Variants in MTAP observed in about 807,000 individuals in gnomAD.
MTAP encodes methylthioadenosine phosphorylase.
MTAP carries 33 observed loss-of-function variants against 33.6 expected under a neutral mutation model. The observed-to-expected ratio is 0.98, with a 90% CI of 0.74 to 1.31. The LOEUF (loss-of-function observed/expected upper bound fraction) is 1.31, where lower values mean the gene tolerates loss of function less well. Ranked by LOEUF, MTAP falls within the 40% of genes most tolerant of loss-of-function variation. The pLI is 0.00. For missense variants in MTAP, 367 were observed against 360.0 expected (o/e 1.02, Z -0.16); for synonymous variants, 148 against 125.7 (o/e 1.18, Z -1.19).
At chr9:21,918,632 A>G (rs1305445319) in intron 1 of MTAP, among the ~76,000 whole-genome samples, 1 of 152,148 alleles carries the variant, frequency 6.6e-6, no homozygotes, top group Non-Finnish European at 1.5e-5. Context: ...AATAATCCCC[A>G]CATGTCATGG....
downstream of MTAP, chr9:21,932,674 T>TC (rs1166947159): frequency 6.6e-6 from 1 of 151,528 alleles, no homozygotes; most frequent in African/African-American, 2.4e-5. Flanking sequence ...GCCCCATTCA[T>TC]CCCCCAAACC....
chr9:21,839,187 T>A (rs1026819476), intron 5 of MTAP, among the ~76,000 whole-genome samples: 70 of 151,948 alleles, frequency 4.6e-4, no homozygotes, highest in African/African-American at 1.7e-3. Flanking sequence ...TTTTTTTTTT[T>A]TAAAAAAGTG....
chr9:21,935,594 T>G (rs1819029933), downstream of MTAP: 1 of 152,158 alleles, frequency 6.6e-6, no homozygotes, highest in Non-Finnish European at 1.5e-5. Flanking sequence ...CATGTCTCTC[T>G]GGGCCTGATA....
chr9:21,809,729 A>C (rs1824297811), intron 1 of MTAP, among the ~76,000 whole-genome samples: 2 of 152,164 alleles, frequency 1.3e-5, no homozygotes, highest in Admixed American at 1.3e-4. Context: ...GCGGAGCTTT[A>C]AAAACAAACT....
chr9:21,853,299 GA>G (rs1435850709), intron 5 of MTAP, among the ~76,000 whole-genome samples: 9 of 151,960 alleles, frequency 5.9e-5, no homozygotes, highest in African/African-American at 1.2e-4. Context: ...CTTTAGGGGG[GA>G]AAAGGGGGTG....
chr9:21,845,133 T>C (rs1825347140), intron 5 of MTAP, among the ~76,000 whole-genome samples: 1 of 151,972 alleles, frequency 6.6e-6, no homozygotes, highest in African/African-American at 2.4e-5. Context: ...AAGACAAGAT[T>C]CCCACTTTCA....
intron 4 of MTAP, among the ~76,000 whole-genome samples, chr9:21,824,614 A>G (rs970178274): frequency 6.6e-6 from 1 of 151,984 alleles, no homozygotes; most frequent in Non-Finnish European, 1.5e-5. Flanking sequence ...GAGAACCACT[A>G]CTCTCTTCAA....
chr9:21,891,460 A>G (rs914237995), intron 1 of MTAP, among the ~76,000 whole-genome samples: 3 of 152,212 alleles, frequency 2.0e-5, no homozygotes, highest in Admixed American at 6.5e-5. Flanking sequence ...GACTTATCTG[A>G]TAGAGCTGAA....
intron 1 of MTAP, among the ~76,000 whole-genome samples, chr9:21,894,979 A>C (rs190019924): frequency 1.3e-5 from 2 of 152,304 alleles, no homozygotes; most frequent in East Asian, 3.9e-4. Context: ...AAGGAGGTGA[A>C]AGTTCTCCAC....
At chr9:21,803,302 T>G (rs1824114126) in intron 1 of MTAP, 1 of 212,488 alleles carries the variant, frequency 4.7e-6, no homozygotes, top group African/African-American at 2.3e-5. Context: ...GCTTACTTGC[T>G]CTTTTGTATG....
At chr9:21,819,893 G>C (rs1399037894) in intron 4 of MTAP, among the ~76,000 whole-genome samples, 1 of 152,220 alleles carries the variant, frequency 6.6e-6, no homozygotes, top group African/African-American at 2.4e-5. Context: ...GATGGCCAGT[G>C]ATGATGAGCA....
chr9:21,820,155 C>T (rs1478259559), intron 4 of MTAP, among the ~76,000 whole-genome samples: 1 of 152,134 alleles, frequency 6.6e-6, no homozygotes, highest in Non-Finnish European at 1.5e-5. Flanking sequence ...AATTAGATCC[C>T]ATTTGTCAAT....
chr9:21,895,938 C>A (rs1818284808), intron 1 of MTAP, among the ~76,000 whole-genome samples: 2 of 152,168 alleles, frequency 1.3e-5, no homozygotes, highest in Admixed American at 6.5e-5. Context: ...AACTCTCCAC[C>A]CCAAATCAAC....
chr9:21,887,700 A>G (rs924556857), intron 1 of MTAP, among the ~76,000 whole-genome samples: 1 of 152,198 alleles, frequency 6.6e-6, no homozygotes, highest in African/African-American at 2.4e-5. Context: ...GACTTCCGCA[A>G]TGGTTGAACT....
intron 1 of MTAP, among the ~76,000 whole-genome samples, chr9:21,913,578 C>T (rs1050129662): frequency 3.3e-5 from 5 of 152,122 alleles, no homozygotes; most frequent in Admixed American, 3.3e-4. Flanking sequence ...TAGCCATATG[C>T]AGAAAGCTGA....
intron 1 of MTAP, 96 bp downstream of exon 1, chr9:21,802,877 CCCGTGCGT>C: frequency 6.6e-7 from 1 of 1,524,004 alleles, no homozygotes; most frequent in South Asian, 1.2e-5. Context: ...ATGCGCCCGG[CCCGTGCGT>C]CCCTTGCCGC....
At chr9:21,810,297 G>A (rs1438581979) in intron 1 of MTAP, among the ~76,000 whole-genome samples, 3 of 152,156 alleles carry the variant, frequency 2.0e-5, no homozygotes, top group South Asian at 2.1e-4. Flanking sequence ...CCAATCTCTT[G>A]TAAGGACAAC....
At chr9:21,812,769 T>C (rs1420176451) in intron 1 of MTAP, among the ~76,000 whole-genome samples, 1 of 152,196 alleles carries the variant, frequency 6.6e-6, no homozygotes, top group East Asian at 1.9e-4. Context: ...CAAATAACTT[T>C]TCTAATAAGG....
intron 5 of MTAP, among the ~76,000 whole-genome samples, chr9:21,838,840 A>G (rs1159185547): frequency 1.3e-5 from 2 of 152,260 alleles, no homozygotes; most frequent in Admixed American, 6.5e-5. Flanking sequence ...AAGTATCGTT[A>G]GAGATTAACT....
Sources: gnomAD v4.1 joint callset for allele counts (sites outside exome capture counted in the v4.1 genomes callset) on GRCh38, gnomAD v4.1.1 for gene constraint, MANE v1.5 for transcripts, NCBI Gene and HGNC (gene_info 2026-07-23, HGNC 2026-07-21) for gene names.